Variants in HS6ST2 observed in about 807,000 individuals in gnomAD.
HS6ST2 encodes the protein heparan-sulfate 6-O-sulfotransferase 2.
HS6ST2 carries 17 observed loss-of-function variants against 33.0 expected under a neutral mutation model. The observed-to-expected ratio is 0.52, with a 90% confidence interval of 0.35 to 0.77. The LOEUF is 0.77. Ranked by LOEUF, HS6ST2 falls within the 30% of genes least tolerant of loss-of-function variation. The probability of loss-of-function intolerance (pLI) is 0.01; values close to 1 mark genes in which losing one functional copy is unlikely to be tolerated. For synonymous variants in HS6ST2, 248 were observed against 237.1 expected, an observed-to-expected ratio of 1.05 and a Z score of -0.42; for missense variants, 519 against 551.7, an observed-to-expected ratio of 0.94 and a Z score of 0.59.
chrX:132,746,236 G>A (rs113144324), intron 2 of HS6ST2, among the ~76,000 whole-genome samples: 3 of 111,428 alleles, frequency 2.7e-5, no homozygotes, highest in African/African-American at 6.5e-5. Flanking sequence ...AAGGGCGGCC[G>A]GGCACGGTGT....
chrX:132,765,686 A>G (rs755290516), intron 2 of HS6ST2, among the ~76,000 whole-genome samples: 1 of 111,419 alleles, frequency 9.0e-6, no homozygotes, highest in Non-Finnish European at 1.9e-5. Context: ...CCTGGGCTCA[A>G]GCAATCCTCC....
intron 2 of HS6ST2, among the ~76,000 whole-genome samples, chrX:132,834,300 A>G (rs1020455562): frequency 2.7e-5 from 3 of 112,327 alleles, no homozygotes; most frequent in African/African-American, 9.7e-5. Context: ...AGGCATGCCC[A>G]TTTTACAGTT....
intron 4 of HS6ST2, among the ~76,000 whole-genome samples, chrX:132,636,289 T>G (rs1433379120): frequency 1.8e-5 from 2 of 111,806 alleles, no homozygotes; most frequent in Non-Finnish European, 3.8e-5. Context: ...GATGTCACTA[T>G]GAAATAACAG....
chrX:132,641,294 C>T (rs963531168), intron 4 of HS6ST2, among the ~76,000 whole-genome samples: 1 of 111,880 alleles, frequency 8.9e-6, no homozygotes, highest in Non-Finnish European at 1.9e-5. Context: ...CAGGCATGCA[C>T]CACAATGCCC....
chrX:132,882,317 G>T (rs1177136927), intron 2 of HS6ST2, among the ~76,000 whole-genome samples: 1 of 110,494 alleles, frequency 9.1e-6, no homozygotes, highest in Non-Finnish European at 1.9e-5. Context: ...GTGGTTTGTA[G>T]TTCTCCTTGA....
At chrX:132,869,235 A>C (rs1162829683) in intron 2 of HS6ST2, among the ~76,000 whole-genome samples, 6 of 111,924 alleles carry the variant, frequency 5.4e-5, no homozygotes, top group African/African-American at 1.9e-4. Context: ...ACCAGGAAGA[A>C]GTCAAATCCC....
At chrX:132,770,167 T>A (rs896384335) in intron 2 of HS6ST2, among the ~76,000 whole-genome samples, 2 of 111,862 alleles carry the variant, frequency 1.8e-5, no homozygotes, top group South Asian at 3.8e-4. Flanking sequence ...ATACACATTA[T>A]CTCATTTCCT....
intron 2 of HS6ST2, among the ~76,000 whole-genome samples, chrX:132,887,407 CAATT>C (rs1267453193): frequency 8.9e-6 from 1 of 111,813 alleles, no homozygotes; most frequent in Admixed American, 9.5e-5. Flanking sequence ...TATATGCCAT[CAATT>C]GTCATTAGAC....
rs2065308503 is a variant in HS6ST2 at position 132,808,557 on chromosome X, G to T, written c.948-100063C>A. Among the ~76,000 whole-genome samples the T allele has an allele frequency of 2.7e-5, 3 of 111,763 alleles. No individual in the cohort carries two copies. In the Admixed American group the frequency reaches 2.8e-4, roughly 11 times the overall value. ...GGAAAGAAGGCCTTTCAGAAGCAATGGATACTTTACAGAACTGTAGGAACC... is the reference window on the plus strand; with the variant it reads ...GGAAAGAAGGCCTTTCAGAAGCAATTGATACTTTACAGAACTGTAGGAACC... On this transcript the variant is annotated intron_variant, in intron 2 of 4. Transcript: ENST00000370833.
At chrX:132,836,001 T>A (rs1251842662) in intron 2 of HS6ST2, among the ~76,000 whole-genome samples, 1 of 111,804 alleles carries the variant, frequency 8.9e-6, no homozygotes, top group East Asian at 2.8e-4. Context: ...CTCTGAGCTG[T>A]CTGGAGTACC....
At chrX:132,636,802 G>T (rs1253796400) in intron 4 of HS6ST2, among the ~76,000 whole-genome samples, 2 of 112,144 alleles carry the variant, frequency 1.8e-5, no homozygotes, top group African/African-American at 3.2e-5. Context: ...TAACCCCCAT[G>T]AAGGGTAAAC....
At position 132,883,120 on chromosome X, in the gene HS6ST2, T is replaced by G. The variant is rs1328530616; in HGVS notation, c.947+73688A>C. Among the ~76,000 whole-genome samples the G allele has an allele frequency of 4.5e-5, 5 of 111,365 alleles. No homozygotes were observed. The East Asian group carries it at 1.4e-3, about 31-fold the overall frequency. On this transcript the variant is annotated intron_variant, in intron 2 of 4. Transcript: ENST00000370833. Reference sequence around the variant, plus strand: ...TTGTTGTGTCTCTGCCAGGCTTTGGTATCAGGATGATGTTGGCCTCATAAA... The same window carrying G: ...TTGTTGTGTCTCTGCCAGGCTTTGGGATCAGGATGATGTTGGCCTCATAAA...
At chrX:132,837,768 A>G (rs1289558845) in intron 2 of HS6ST2, among the ~76,000 whole-genome samples, 1 of 112,084 alleles carries the variant, frequency 8.9e-6, no homozygotes, top group East Asian at 2.8e-4. Context: ...GAGAGTTCAG[A>G]GAGTTCTCAG....
chrX:132,914,844 C>T (rs1034734046), intron 2 of HS6ST2, among the ~76,000 whole-genome samples: 7 of 112,816 alleles, frequency 6.2e-5, no homozygotes, highest in Admixed American at 2.8e-4. Flanking sequence ...TTATGCTTTC[C>T]TTTTACATTT....
intron 2 of HS6ST2, among the ~76,000 whole-genome samples, chrX:132,846,454 G>A (rs1221594265): frequency 8.9e-6 from 1 of 111,974 alleles, no homozygotes; most frequent in African/African-American, 3.2e-5. Flanking sequence ...GACCAACAGC[G>A]GAGCCAATGT....
At chrX:132,651,570 T>C (rs1050270149) in intron 4 of HS6ST2, among the ~76,000 whole-genome samples, 16 of 112,241 alleles carry the variant, frequency 1.4e-4, no homozygotes, top group African/African-American at 5.2e-4. Context: ...TAAAAAAATA[T>C]GTGGGGCAAA....
chrX:132,912,885 T>A (rs186277900), intron 2 of HS6ST2, among the ~76,000 whole-genome samples: 154 of 112,093 alleles, frequency 1.4e-3, no homozygotes, highest in African/African-American at 4.6e-3. Flanking sequence ...TCTGGCATGC[T>A]TTCCTTTAAT....
intron 2 of HS6ST2, among the ~76,000 whole-genome samples, chrX:132,740,929 TGAG>T (rs2064568243): frequency 8.9e-6 from 1 of 112,434 alleles, no homozygotes; most frequent in Non-Finnish European, 1.9e-5. Flanking sequence ...AGACAGTGGC[TGAG>T]GAGAGTCACA....
chrX:132,840,111 G>GT (rs1244943824), intron 2 of HS6ST2, among the ~76,000 whole-genome samples: 1 of 110,403 alleles, frequency 9.1e-6, no homozygotes, highest in African/African-American at 3.3e-5. Context: ...GTGAGACTCT[G>GT]TCTCAAAAAA....
Sources: allele counts gnomAD v4.1 joint callset (sites outside exome capture counted in the v4.1 genomes callset), GRCh38; gene constraint gnomAD v4.1.1; transcripts MANE v1.5; gene names NCBI Gene and HGNC (gene_info 2026-07-23, HGNC 2026-07-21).